Variants in XIRP2 observed in about 807,000 individuals in gnomAD.
XIRP2 encodes xin actin binding repeat containing 2.
XIRP2 carries 236 observed loss-of-function variants against 277.0 expected under a neutral mutation model. The ratio of observed to expected loss-of-function variants is 0.85; its 90% CI spans 0.77 to 0.95. XIRP2 has a LOEUF of 0.95. Among genes scored for constraint, XIRP2 ranks in the 40% least tolerant of loss-of-function variants. The pLI, the probability that XIRP2 is intolerant of heterozygous loss-of-function variation, is 0.00. For missense variants in XIRP2, 4,640 were observed against 4,157.5 expected, an observed-to-expected ratio of 1.12 and a Z score of -3.19; for synonymous variants, 1,490 against 1,416.5, an observed-to-expected ratio of 1.05 and a Z score of -1.17.
intron 3 of XIRP2, among the ~76,000 whole-genome samples, chr2:167,155,687 A>C (rs1035291729): frequency 6.6e-6 from 1 of 151,938 alleles, no homozygotes; most frequent in African/African-American, 2.4e-5. Flanking sequence ...AAACTGGCAC[A>C]AGACAGGGAT....
At chr2:167,081,991 A>C (rs1390150987) in intron 2 of XIRP2, among the ~76,000 whole-genome samples, 1 of 151,414 alleles carries the variant, frequency 6.6e-6, no homozygotes, top group Non-Finnish European at 1.5e-5. Context: ...ACATGTGCAC[A>C]GTGTGCAGGT....
intron 2 of XIRP2, among the ~76,000 whole-genome samples, chr2:166,963,711 T>C (rs1686355935): frequency 6.6e-6 from 1 of 151,774 alleles, no homozygotes; most frequent in African/African-American, 2.4e-5. Flanking sequence ...CCAGCATAGC[T>C]GAAGCAGAGC....
chr2:167,223,246 AG>A (rs1359961249), intron 5 of XIRP2, among the ~76,000 whole-genome samples: 3 of 152,166 alleles, frequency 2.0e-5, no homozygotes, highest in Non-Finnish European at 4.4e-5. Flanking sequence ...AGGAAAGAGC[AG>A]ATGGAGCTCC....
intron 2 of XIRP2, among the ~76,000 whole-genome samples, chr2:167,105,537 G>GT: frequency 6.6e-6 from 1 of 151,914 alleles, no homozygotes; most frequent in South Asian, 2.1e-4. Flanking sequence ...ATACCAGATT[G>GT]TTTAACTATT....
intron 2 of XIRP2, among the ~76,000 whole-genome samples, chr2:166,982,407 T>A (rs1372279174): frequency 1.3e-5 from 2 of 151,932 alleles, no homozygotes; most frequent in African/African-American, 4.8e-5. Flanking sequence ...TTTTTAAATT[T>A]TTGGTACCAA....
In XIRP2 at chr2:167,243,640, C is replaced by A. The variant is rs1407480272; in HGVS notation, c.2248C>A (p.Gln750Lys). Residue 750 changes from glutamine to lysine, a missense_variant, in exon 9 of 11, where the codon CAA becomes AAA. Coordinates refer to ENST00000409195, the MANE Select transcript of XIRP2 (RefSeq NM_152381.6). The stretch of plus-strand genomic sequence containing the variant: ...ATATGTTATTAGAGATGGTTCGGGC[C>A]AAATGCTGGAAATTAAAACTGTTCA... Reference protein sequence around the residue: ...PLYVIRDGSGQMLEIKTVHRE... With the variant: ...PLYVIRDGSGKMLEIKTVHRE... 1 of 1,613,840 alleles carries A rather than the reference C, an allele frequency of 6.2e-7. No homozygotes were observed. The highest frequency in any genetic ancestry group is 1.6e-4 in the Middle Eastern group (1 of 6,062).
intron 3 of XIRP2, among the ~76,000 whole-genome samples, chr2:167,173,662 TG>T (rs1458427060): frequency 6.6e-6 from 1 of 152,158 alleles, no homozygotes; most frequent in Non-Finnish European, 1.5e-5. Flanking sequence ...GTGGGATTGT[TG>T]GATAGTATGG....
chr2:166,912,452 G>C (rs1163315548), intron 2 of XIRP2, among the ~76,000 whole-genome samples: 1 of 152,140 alleles, frequency 6.6e-6, no homozygotes. Flanking sequence ...ATGTTTTTCA[G>C]CTCCATCAGG....
chr2:167,242,217 GA>G (rs962858245), intron 8 of XIRP2, among the ~76,000 whole-genome samples: 23 of 152,110 alleles, frequency 1.5e-4, no homozygotes, highest in African/African-American at 5.3e-4. Context: ...AAATTCCAAG[GA>G]AAATGAAACA....
chr2:167,024,532 A>T (rs1342445418), intron 2 of XIRP2, among the ~76,000 whole-genome samples: 1 of 152,122 alleles, frequency 6.6e-6, no homozygotes, highest in Non-Finnish European at 1.5e-5. Context: ...GTCTTGTGCC[A>T]GTTTTCAAAG....
chr2:167,097,752 A>C (rs1690363025), intron 2 of XIRP2, among the ~76,000 whole-genome samples: 1 of 152,188 alleles, frequency 6.6e-6, no homozygotes, highest in Non-Finnish European at 1.5e-5. Context: ...TGGTATGACA[A>C]AATCCCTCAG....
At chr2:166,955,151 G>A (rs1343494145) in intron 2 of XIRP2, among the ~76,000 whole-genome samples, 2 of 151,652 alleles carry the variant, frequency 1.3e-5, no homozygotes, top group Non-Finnish European at 1.5e-5. Flanking sequence ...GACAAAAATG[G>A]GAAACAAATT....
At chr2:167,031,768 G>A (rs1343139600) in intron 2 of XIRP2, among the ~76,000 whole-genome samples, 2 of 152,010 alleles carry the variant, frequency 1.3e-5, no homozygotes, top group African/African-American at 2.4e-5. Context: ...ACCTCTTCCA[G>A]GAGAACTAGA....
At chr2:166,899,573 A>G (rs1684325389) in intron 1 of XIRP2, among the ~76,000 whole-genome samples, 1 of 152,094 alleles carries the variant, frequency 6.6e-6, no homozygotes, top group Non-Finnish European at 1.5e-5. Context: ...AATTATTCTT[A>G]GTTTTCCTTT....
intron 2 of XIRP2, among the ~76,000 whole-genome samples, chr2:167,010,670 A>G (rs1420405482): frequency 6.6e-6 from 1 of 152,092 alleles, no homozygotes; most frequent in Non-Finnish European, 1.5e-5. Flanking sequence ...CAGTATGGCC[A>G]TTTTCAAGAT....
intron 2 of XIRP2, among the ~76,000 whole-genome samples, chr2:167,033,647 A>G (rs185680458): frequency 2.6e-5 from 4 of 152,192 alleles, no homozygotes; most frequent in Admixed American, 2.6e-4. Context: ...AAACAAAACA[A>G]ATAACATACA....
At position 166,903,460 on chromosome 2, in the gene XIRP2, T is replaced by G. The variant is rs777045624; in HGVS notation, c.-18-5T>G. On this transcript the variant is annotated splice_region_variant and splice_polypyrimidine_tract_variant and intron_variant, in intron 1 of 10. Transcript: ENST00000409195. ...TCACTGATAAAAGGATTCTTGATAT[T>G]GCAGGACAACCTGGACCCATCCATG... The G allele has an allele frequency of 6.3e-7, 1 of 1,592,852 alleles. No individual in the cohort carries two copies. Among genetic ancestry groups the G allele is most frequent in the Admixed American group, 1.7e-5 (1 of 58,120 alleles).
intron 3 of XIRP2, among the ~76,000 whole-genome samples, chr2:167,182,331 G>A (rs1023529965): frequency 5.9e-5 from 9 of 152,192 alleles, no homozygotes; most frequent in Admixed American, 4.6e-4. Context: ...CCTTAGATGG[G>A]CCCCATTGGG....
intron 1 of XIRP2, among the ~76,000 whole-genome samples, chr2:166,893,257 G>A (rs1684155861): frequency 6.6e-6 from 1 of 151,770 alleles, no homozygotes; most frequent in Non-Finnish European, 1.5e-5. Flanking sequence ...TTCCTTCTGT[G>A]GAAGGAAGAA....
Sources: allele counts gnomAD v4.1 joint callset (sites outside exome capture counted in the v4.1 genomes callset), GRCh38; gene constraint gnomAD v4.1.1; transcripts MANE v1.5; gene names NCBI Gene and HGNC (gene_info 2026-07-23, HGNC 2026-07-21).